The following TANC1 variants were observed in gnomAD, a reference collection of about 807,000 sequenced individuals.
The protein encoded by TANC1 is protein TANC1.
A neutral mutation model predicts 149.7 loss-of-function variants in TANC1; 77 were observed. That is an observed-to-expected ratio of 0.51 (90% CI 0.43 to 0.62). The LOEUF (loss-of-function observed/expected upper bound fraction) is 0.62. TANC1 is among the 20% of genes least tolerant of loss of function. TANC1 has a pLI of 0.00. For missense variants in TANC1, 1,985 were observed against 2,321.8 expected (o/e 0.85, Z 2.98); for synonymous variants, 854 against 925.0 (o/e 0.92, Z 1.39).
At position 159,006,863 on chromosome 2, in the gene TANC1, G is replaced by A. The variant is rs145115412; in HGVS notation, c.-16+5674G>A. Among the ~76,000 whole-genome samples the A allele has an allele frequency of 8.5e-4, 130 of 152,172 alleles. 1 individual carries two copies. Among genetic ancestry groups the A allele is most frequent in the South Asian group, 5.0e-3 (24 of 4,820 alleles). ...GCCATCTGTCTAAAAATATTGGTGAGGTATCACAAACTCCTAAGGATTAAA... is the reference window on the plus strand; with the variant it reads ...GCCATCTGTCTAAAAATATTGGTGAAGTATCACAAACTCCTAAGGATTAAA... On this transcript the variant is annotated intron_variant, in intron 2 of 26. Coordinates refer to ENST00000263635, the MANE Select transcript of TANC1 (RefSeq NM_033394.3).
At position 159,136,250 on chromosome 2, in the gene TANC1, A is replaced by G; in HGVS notation, c.316A>G (p.Ile106Val). The G allele has an allele frequency of 3.7e-6, 6 of 1,613,736 alleles. No homozygotes were observed. Among genetic ancestry groups the G allele is most frequent in the Non-Finnish European group, 5.1e-6 (6 of 1,179,632 alleles). ...CCCCAGAGTGCCTGGAGATGCAGTT[A>G]TAATGCCATTCAGAGAAGTAGCCAA... ...ESPRVPGDAVIMPFREVAKPT... is the reference protein window; with the variant it reads ...ESPRVPGDAVVMPFREVAKPT... The change falls in exon 5 of 27, where the codon ATA becomes GTA. Residue 106 changes from isoleucine (I) to valine (V), a missense_variant. Physicochemically the swap from Ile to Val is conservative, Grantham distance 29. Transcript: ENST00000263635.
intron 4 of TANC1, among the ~76,000 whole-genome samples, chr2:159,104,726 C>T (rs1349162814): frequency 1.0e-5 from 1 of 96,912 alleles, no homozygotes; most frequent in Non-Finnish European, 2.6e-5. Context: ...TAATTCTTTG[C>T]TTTTTTCTTT....
chr2:159,196,679 C>G lies in TANC1; in HGVS notation c.3051C>G (p.Leu1017=), dbSNP rs1387844277. ...HSALRGHGDI[L]QYLLTCEWSP... ...CCCTACGGGGCCACGGTGACATTCTCCAGTACCTGCTGACTTGTGAGTGGT... is the reference window on the plus strand; with the variant it reads ...CCCTACGGGGCCACGGTGACATTCTGCAGTACCTGCTGACTTGTGAGTGGT... The change falls in exon 18 of 27, where the codon CTC becomes CTG. Residue 1017 remains leucine (L), a synonymous_variant. Transcript: ENST00000263635. 6.2e-7 allele frequency: 1 copy of G among 1,614,000 alleles called. No homozygotes were observed. The highest frequency in any genetic ancestry group is 8.5e-7 in the Non-Finnish European group (1 of 1,180,016).
At chr2:158,982,812 A>G (rs750657974) in intron 1 of TANC1, among the ~76,000 whole-genome samples, 2 of 151,890 alleles carry the variant, frequency 1.3e-5, no homozygotes, top group Non-Finnish European at 2.9e-5. Context: ...TTCTGTAGAG[A>G]TAGGATCTGC....
intron 7 of TANC1, among the ~76,000 whole-genome samples, chr2:159,154,387 C>T (rs1242656323): frequency 6.6e-6 from 1 of 152,172 alleles, no homozygotes; most frequent in Non-Finnish European, 1.5e-5. Context: ...CCCAGGCACC[C>T]AGTTTAGAAA....
rs1178560948 is a variant in TANC1, at chr2:159,001,155, C to T, written c.-50C>T. On this transcript the variant is annotated 5_prime_UTR_variant, in exon 2 of 27. Transcript: ENST00000263635. This position sits in a 1 kb window ranked among gnomAD's most constrained non-coding sequence, Gnocchi z 4.3. ...AATTGTGAACTAAGGCCCCCTGCCC[C>T]CTTTTCCTGGTGCATGTGAAGTTAT... 6.6e-6 allele frequency: 1 copy of T among 152,592 alleles called. No homozygotes were observed. The highest frequency in any genetic ancestry group is 2.4e-5 in the African/African-American group (1 of 41,450). 9.5% of individuals were successfully genotyped at this position (152,592 alleles called of 1,614,324 possible). A position where few individuals can be genotyped will look rare whatever the true frequency, so the allele number is the denominator to read the frequency against.
chr2:159,078,432 A>T (rs2043914079), intron 3 of TANC1, among the ~76,000 whole-genome samples: 1 of 152,232 alleles, frequency 6.6e-6, no homozygotes. Flanking sequence ...GAAAAGATAT[A>T]TGTAAGTCAT....
At chr2:159,154,717 C>G (rs1201289571) in intron 7 of TANC1, among the ~76,000 whole-genome samples, 1 of 152,122 alleles carries the variant, frequency 6.6e-6, no homozygotes, top group Non-Finnish European at 1.5e-5. Context: ...ACTGAATTCC[C>G]TATGATTATC....
intron 1 of TANC1, among the ~76,000 whole-genome samples, chr2:158,985,463 C>G (rs1485682834): frequency 6.6e-6 from 1 of 152,222 alleles, no homozygotes; most frequent in African/African-American, 2.4e-5. Context: ...GGCAGGCGCT[C>G]TGCAGGGCAT....
chr2:159,168,919 T>C (rs992755443), intron 8 of TANC1, among the ~76,000 whole-genome samples: 1 of 152,182 alleles, frequency 6.6e-6, no homozygotes, highest in Non-Finnish European at 1.5e-5. Flanking sequence ...GCTTGTGGTG[T>C]TAAGTACTGA....
chr2:159,010,537 C>T (rs1214073090), intron 2 of TANC1, among the ~76,000 whole-genome samples: 3 of 152,118 alleles, frequency 2.0e-5, no homozygotes, highest in Admixed American at 6.5e-5. Flanking sequence ...CGGGGGAGGG[C>T]CTGGCTGTGG....
chr2:158,992,815 C>T (rs1037149165), intron 1 of TANC1, among the ~76,000 whole-genome samples: 3 of 152,042 alleles, frequency 2.0e-5, no homozygotes, highest in African/African-American at 4.8e-5. Context: ...CCACCGCTCC[C>T]GGACTGTGTA....
At position 159,052,636 on chromosome 2, in the gene TANC1, A is replaced by G. The variant is rs553425160; in HGVS notation, c.-15-13260A>G. On this transcript the variant is annotated intron_variant, in intron 2 of 26. Coordinates refer to ENST00000263635, the MANE Select transcript of TANC1 (RefSeq NM_033394.3). Reference sequence around the variant, plus strand: ...AGTACAAAATGGACTAAGACAAGGGATCTGTGAACTTGAATGGGTGGAGAA... The same window carrying G: ...AGTACAAAATGGACTAAGACAAGGGGTCTGTGAACTTGAATGGGTGGAGAA... Among the ~76,000 whole-genome samples, 8 of 152,290 alleles carry G rather than the reference A, an allele frequency of 5.3e-5. 2 individuals carry two copies. Among genetic ancestry groups the G allele is most frequent in the African/African-American group, 1.7e-4 (7 of 41,554 alleles).
chr2:159,113,956 G>A (rs959534243), intron 4 of TANC1, among the ~76,000 whole-genome samples: 2 of 152,180 alleles, frequency 1.3e-5, no homozygotes, highest in African/African-American at 4.8e-5. Flanking sequence ...TGTGGGCACG[G>A]CTCTGTGGAT....
chr2:158,974,907 ATTTTTTT>A (rs3028258), intron 1 of TANC1, among the ~76,000 whole-genome samples: 18 of 103,272 alleles, frequency 1.7e-4, no homozygotes, highest in South Asian at 1.1e-3. Flanking sequence ...TAATTTTTGT[ATTTTTTT>A]TTTTTTTTTT....
intron 19 of TANC1, among the ~76,000 whole-genome samples, chr2:159,213,865 C>T (rs940489447): frequency 4.6e-5 from 7 of 152,058 alleles, no homozygotes; most frequent in Non-Finnish European, 1.0e-4. Context: ...GTGGCTCGCA[C>T]CTGTAATCCC....
chr2:159,106,443 A>G (rs1227625337), intron 4 of TANC1, among the ~76,000 whole-genome samples: 1 of 152,162 alleles, frequency 6.6e-6, no homozygotes, highest in Non-Finnish European at 1.5e-5. Flanking sequence ...GGCTTCTTTT[A>G]TGGAGCATCG....
chr2:159,185,362 A>G (rs1427177931), intron 14 of TANC1, among the ~76,000 whole-genome samples: 2 of 152,350 alleles, frequency 1.3e-5, no homozygotes, highest in East Asian at 3.9e-4. Context: ...CAGCAAACCC[A>G]CTTAGATGCC....
chr2:159,054,461 G>A (rs1260353538), intron 2 of TANC1, among the ~76,000 whole-genome samples: 2 of 152,064 alleles, frequency 1.3e-5, no homozygotes, highest in Non-Finnish European at 2.9e-5. Context: ...ATGAAATTAG[G>A]GCCTGGGGAG....
Sources: allele counts gnomAD v4.1 joint callset (sites outside exome capture counted in the v4.1 genomes callset), GRCh38; gene constraint gnomAD v4.1.1; non-coding constraint Gnocchi (gnomAD v3.1); transcripts MANE v1.5; gene names NCBI Gene and HGNC (gene_info 2026-07-23, HGNC 2026-07-21).